Variants in RGS6 observed in about 807,000 individuals in gnomAD.
RGS6 encodes regulator of G protein signaling 6.
In RGS6, 30 loss-of-function variants were observed where a neutral mutation model predicts 78.5. The ratio of observed to expected loss-of-function variants is 0.38; its 90% CI spans 0.29 to 0.52. The LOEUF is 0.52. RGS6 is among the 20% of genes least tolerant of loss of function. The pLI, the probability that RGS6 is intolerant of heterozygous loss-of-function variation, is 0.85. For synonymous variants in RGS6, 206 were observed against 206.0 expected (o/e 1.00, Z 0.00); for missense variants, 495 against 609.7 (o/e 0.81, Z 1.98).
chr14:71,896,027 G>A, the RGS6 span, among the ~76,000 whole-genome samples: 1 of 152,094 alleles, frequency 6.6e-6, no homozygotes, highest in African/African-American at 2.4e-5. Context: ...GTCCGTGCAG[G>A]CCAGCTTCCA....
chr14:72,245,901 G>T lies in RGS6; in HGVS notation c.85-106194G>T, dbSNP rs530923985. On this transcript the variant is annotated intron_variant, in intron 2 of 17. Coordinates refer to ENST00000553525, the MANE Select transcript of RGS6 (RefSeq NM_001204424.2). Reference sequence around the variant, plus strand: ...AGGTCTGTATGTTCACATTCCTCTTGACATCCCTGTGTCTTTGGAGAGAAA... The same window carrying T: ...AGGTCTGTATGTTCACATTCCTCTTTACATCCCTGTGTCTTTGGAGAGAAA... 1.6e-3 allele frequency among the ~76,000 whole-genome samples: 248 copies of T among 152,286 alleles called. 3 individuals are homozygous for T. Among genetic ancestry groups the T allele is most frequent in the South Asian group, 3.1e-3 (15 of 4,826 alleles).
chr14:72,004,426 AAT>A (rs2084115891), intron 2 of RGS6, among the ~76,000 whole-genome samples: 1 of 152,264 alleles, frequency 6.6e-6, no homozygotes, highest in Non-Finnish European at 1.5e-5. Flanking sequence ...AACATTTGAA[AAT>A]ATAGTCTTAA....
chr14:72,495,312 C>T (rs1218370049), intron 13 of RGS6, 50 bp downstream of exon 13: 6 of 1,050,366 alleles, frequency 5.7e-6, no homozygotes, highest in Non-Finnish European at 9.0e-6. Flanking sequence ...GACAAAAATC[C>T]ATGAGATCAT....
intron 12 of RGS6, among the ~76,000 whole-genome samples, chr14:72,482,952 G>A (rs761011575): frequency 3.3e-5 from 5 of 152,098 alleles, no homozygotes; most frequent in Admixed American, 6.5e-5. Flanking sequence ...TGTTGTTCCC[G>A]ATAACAATGA....
intron 1 of RGS6, among the ~76,000 whole-genome samples, chr14:71,939,117 A>G (rs1472099620): frequency 6.6e-6 from 1 of 152,200 alleles, no homozygotes. Context: ...CACTCAATAA[A>G]TGGGCCGGAG....
At chr14:71,912,393 A>T in the RGS6 span, among the ~76,000 whole-genome samples, 1 of 152,108 alleles carries the variant, frequency 6.6e-6, no homozygotes, top group Non-Finnish European at 1.5e-5. Context: ...ACACTAAAGG[A>T]TCTATTTTTG....
chr14:72,090,127 A>T (rs891471232), intron 2 of RGS6, among the ~76,000 whole-genome samples: 1 of 136,530 alleles, frequency 7.3e-6, no homozygotes, highest in South Asian at 2.4e-4. Flanking sequence ...AAAAAAAAAA[A>T]AATAAAGCCT....
Position 71,936,477 on chromosome 14 carries a change from T to C in RGS6, c.-21+3536T>C, listed in dbSNP as rs113505848. Among the ~76,000 whole-genome samples the C allele has an allele frequency of 9.1e-3, 1,386 of 152,186 alleles. 19 individuals are homozygous for C. The highest frequency in any genetic ancestry group is 0.032 in the African/African-American group (1,322 of 41,502). On this transcript the variant is annotated intron_variant, in intron 1 of 17. Transcript: ENST00000553525. Reference sequence around the variant, plus strand: ...ACACCCAGGATCAATACTCTGTATCTCTCAATGCAATCAAGGTGACACTCA... The same window carrying C: ...ACACCCAGGATCAATACTCTGTATCCCTCAATGCAATCAAGGTGACACTCA...
At chr14:72,554,045 C>T (rs2239281) in intron 17 of RGS6, among the ~76,000 whole-genome samples, 42,334 of 152,172 alleles carry the variant, frequency 0.28, 6,750 homozygotes, top group African/African-American at 0.45. Flanking sequence ...GGTGTACTTC[C>T]TCCGGTTAGG....
At chr14:72,072,672 G>A (rs1425534841) in intron 2 of RGS6, among the ~76,000 whole-genome samples, 1 of 152,146 alleles carries the variant, frequency 6.6e-6, no homozygotes, top group African/African-American at 2.4e-5. Context: ...GTCTGAGGAG[G>A]CAGTGGTTTA....
intron 1 of RGS6, among the ~76,000 whole-genome samples, chr14:71,958,543 C>A (rs571454583): frequency 6.6e-6 from 1 of 152,178 alleles, no homozygotes; most frequent in Non-Finnish European, 1.5e-5. Flanking sequence ...ATGTTGCTTA[C>A]GGCCACACAG....
chr14:72,585,860 G>T, the RGS6 span, among the ~76,000 whole-genome samples: 1 of 152,020 alleles, frequency 6.6e-6, no homozygotes, highest in Non-Finnish European at 1.5e-5. Context: ...TTCCAATATT[G>T]CCACTGGTTC....
At chr14:72,131,234 C>T (rs2215015) in intron 2 of RGS6, among the ~76,000 whole-genome samples, 44,073 of 152,022 alleles carry the variant, frequency 0.29, 6,750 homozygotes, top group Non-Finnish European at 0.34. Flanking sequence ...TTTTAATGCC[C>T]GACTGTGGAT....
chr14:72,055,224 C>G (rs1172044697), intron 2 of RGS6, among the ~76,000 whole-genome samples: 1 of 152,046 alleles, frequency 6.6e-6, no homozygotes, highest in East Asian at 1.9e-4. Flanking sequence ...CTTTCAGGGT[C>G]GCTATATCCA....
At chr14:72,118,481 G>GA (rs1391271589) in intron 2 of RGS6, among the ~76,000 whole-genome samples, 1 of 152,128 alleles carries the variant, frequency 6.6e-6, no homozygotes. Context: ...GCCCTTCCTG[G>GA]AAAAATGATT....
At chr14:72,412,332 T>A (rs1483630965) in intron 3 of RGS6, among the ~76,000 whole-genome samples, 3 of 152,238 alleles carry the variant, frequency 2.0e-5, no homozygotes, top group African/African-American at 7.2e-5. Flanking sequence ...CCATTTCTTC[T>A]AGATTTTCTA....
chr14:72,390,941 G>A (rs10133730), intron 3 of RGS6, among the ~76,000 whole-genome samples: 4,111 of 152,218 alleles, frequency 0.027, 198 homozygotes, highest in African/African-American at 0.094. Flanking sequence ...GGAGCCACAG[G>A]TAAGCACCAG....
the RGS6 span, among the ~76,000 whole-genome samples, chr14:71,919,985 C>T: frequency 6.6e-6 from 1 of 152,010 alleles, no homozygotes; most frequent in Non-Finnish European, 1.5e-5. Flanking sequence ...CAGAGCAAGG[C>T]TCTGTCTCAA....
At chr14:72,495,066 A>G in intron 12 of RGS6, 86 bp from the exon 13 acceptor site, 1 of 786,324 alleles carries the variant, frequency 1.3e-6, no homozygotes, top group Non-Finnish European at 2.2e-6. Context: ...AATTATGTGA[A>G]GACTGCTATA....
Sources: gnomAD v4.1 joint callset for allele counts (sites outside exome capture counted in the v4.1 genomes callset) on GRCh38, gnomAD v4.1.1 for gene constraint, MANE v1.5 for transcripts, NCBI Gene and HGNC (gene_info 2026-07-23, HGNC 2026-07-21) for gene names.